Variants in UGT1A8 observed in about 807,000 individuals in gnomAD.
UGT1A8 encodes UDP-glucuronosyltransferase 1A8.
Under a neutral mutation model 45.3 loss-of-function variants are expected in UGT1A8, and 39 were observed. The ratio of observed to expected loss-of-function variants is 0.86; its 90% CI spans 0.67 to 1.12. The LOEUF (loss-of-function observed/expected upper bound fraction) is 1.12, where lower values mean the gene tolerates loss of function less well. Among genes scored for constraint, UGT1A8 ranks in the 50% most tolerant of loss-of-function variants. UGT1A8 has a pLI of 0.00. For synonymous variants in UGT1A8, 275 were observed against 249.2 expected (o/e 1.10, Z -0.97); for missense variants, 719 against 664.9 (o/e 1.08, Z -0.90).
At chr2:233,767,444 TAAA>T (rs1699395657) in intron 2 of UGT1A8, among the ~76,000 whole-genome samples, 1 of 152,186 alleles carries the variant, frequency 6.6e-6, no homozygotes, top group Non-Finnish European at 1.5e-5. Flanking sequence ...TATTTAAAAA[TAAA>T]ATAAATGGGA....
At chr2:233,685,553 A>G (rs1031439132) in intron 1 of UGT1A8, among the ~76,000 whole-genome samples, 1 of 152,206 alleles carries the variant, frequency 6.6e-6, no homozygotes, top group Non-Finnish European at 1.5e-5. Flanking sequence ...TTTTTGATCC[A>G]AATTCAAATT....
intron 4 of UGT1A8, 143 bp downstream of exon 4, chr2:233,768,582 CTTTTT>C: frequency 1.9e-3 from 1,917 of 1,027,810 alleles, no homozygotes; most frequent in East Asian, 5.4e-3. Flanking sequence ...TTTATTTCTT[CTTTTT>C]TTTTTTTTTT....
intron 1 of UGT1A8, among the ~76,000 whole-genome samples, chr2:233,685,930 G>A (rs952791363): frequency 1.3e-5 from 2 of 152,056 alleles, no homozygotes; most frequent in Non-Finnish European, 2.9e-5. Flanking sequence ...TATCCTGATT[G>A]TCTCAAAAAA....
intron 1 of UGT1A8, among the ~76,000 whole-genome samples, chr2:233,694,288 C>G (rs2075211231): frequency 6.6e-6 from 1 of 151,680 alleles, no homozygotes; most frequent in Non-Finnish European, 1.5e-5. Flanking sequence ...CCAATCTGCC[C>G]AAAGGCCTGT....
At chr2:233,680,906 T>C (rs1045002964) in intron 1 of UGT1A8, among the ~76,000 whole-genome samples, 3 of 151,948 alleles carry the variant, frequency 2.0e-5, no homozygotes, top group Non-Finnish European at 4.4e-5. Context: ...CTGCAGACAA[T>C]GTATCTGAGG....
intron 1 of UGT1A8, among the ~76,000 whole-genome samples, chr2:233,661,576 G>A (rs1267253836): frequency 6.6e-6 from 1 of 151,660 alleles, no homozygotes; most frequent in Non-Finnish European, 1.5e-5. Flanking sequence ...TGGAAAAAGT[G>A]CAAGGTTTGA....
In UGT1A8 at chr2:233,769,722, G is replaced by C. The variant is rs906143757; in HGVS notation, c.1295+1283G>C. The C allele has an allele frequency of 4.0e-5, 60 of 1,484,822 alleles. No homozygotes were observed. The highest frequency in any genetic ancestry group is 4.9e-5 in the Non-Finnish European group (55 of 1,116,098). 92.0% of individuals were successfully genotyped at this position (1,484,822 alleles called of 1,614,324 possible). On this transcript the variant is annotated intron_variant, in intron 4 of 4. Coordinates refer to ENST00000373450, the MANE Select transcript of UGT1A8 (RefSeq NM_019076.5). The surrounding 1 kb of genome is among the most constrained non-coding windows in gnomAD (Gnocchi z 4.4). ...AGATCAATGTTGGCTAGGCACCATGGCACACGCCTGTAGTCCCAGCCACTC... is the reference window on the plus strand; with the variant it reads ...AGATCAATGTTGGCTAGGCACCATGCCACACGCCTGTAGTCCCAGCCACTC...
intron 1 of UGT1A8, among the ~76,000 whole-genome samples, chr2:233,634,381 G>A (rs1033446095): frequency 5.9e-5 from 9 of 152,086 alleles, no homozygotes; most frequent in Admixed American, 2.0e-4. Context: ...TTTCTGTCTC[G>A]TTGATCTGTC....
At chr2:233,685,329 G>A (rs1252071840) in intron 1 of UGT1A8, among the ~76,000 whole-genome samples, 3 of 152,178 alleles carry the variant, frequency 2.0e-5, no homozygotes, top group East Asian at 3.9e-4. Flanking sequence ...CACCACACCC[G>A]GACTTAAAGT....
rs141814082 is a variant in UGT1A8, at chr2:233,729,618, C to T, written c.856-37416C>T. ...TCTGCGCGGCAGTGCTGGCTAAGTACCTGTCGATTCCTACTGTGTTTTTTT... is the reference window on the plus strand; with the variant it reads ...TCTGCGCGGCAGTGCTGGCTAAGTATCTGTCGATTCCTACTGTGTTTTTTT... On this transcript the variant is annotated intron_variant, in intron 1 of 4. Transcript: ENST00000373450. The T allele has an allele frequency of 3.1e-6, 5 of 1,613,838 alleles. No homozygotes were observed. The South Asian group carries it at 4.4e-5, about 14-fold the overall frequency.
chr2:233,699,613 A>G (rs902468508), intron 1 of UGT1A8, among the ~76,000 whole-genome samples: 5 of 152,232 alleles, frequency 3.3e-5, no homozygotes, highest in African/African-American at 1.2e-4. Flanking sequence ...ATAGAAAGGA[A>G]TAGAATGCAA....
chr2:233,728,225 C>T (rs2077691607), intron 1 of UGT1A8, among the ~76,000 whole-genome samples: 1 of 152,206 alleles, frequency 6.6e-6, no homozygotes, highest in Non-Finnish European at 1.5e-5. Flanking sequence ...TGACCATAAT[C>T]TTCAGGATGA....
rs949471199 is a variant in UGT1A8, at chr2:233,747,414, C to T, written c.856-19620C>T. Reference sequence around the variant, plus strand: ...GGTCCTCACCCCAGAGGTGAATATGCACATCAAACAAGAGAAATTTTTCAC... The same window carrying T: ...GGTCCTCACCCCAGAGGTGAATATGTACATCAAACAAGAGAAATTTTTCAC... On this transcript the variant is annotated intron_variant, in intron 1 of 4. Transcript: ENST00000373450. 5.6e-6 allele frequency: 9 copies of T among 1,606,904 alleles called. No individual in the cohort carries two copies. In the Admixed American group the frequency reaches 6.7e-5, roughly 12 times the overall value.
At chr2:233,672,317 T>C (rs1348255979) in intron 1 of UGT1A8, 1 of 1,614,102 alleles carries the variant, frequency 6.2e-7, no homozygotes, top group East Asian at 2.2e-5. Context: ...AGGAGTTTGT[T>C]TAAAGACAAA....
At chr2:233,680,914 A>T (rs12474215) in intron 1 of UGT1A8, among the ~76,000 whole-genome samples, 27,636 of 151,946 alleles carry the variant, frequency 0.18, 2,733 homozygotes, top group Non-Finnish European at 0.23. Context: ...AATGTATCTG[A>T]GGAAAGCCAT....
At chr2:233,729,744 A>T (rs2077917790) in intron 1 of UGT1A8, 3 of 1,613,828 alleles carry the variant, frequency 1.9e-6, no homozygotes, top group African/African-American at 1.3e-5. Context: ...ACCACATGAC[A>T]TTCATGCAAA....
chr2:233,740,171 G>A (rs920285091), intron 1 of UGT1A8, among the ~76,000 whole-genome samples: 9 of 151,848 alleles, frequency 5.9e-5, no homozygotes, highest in African/African-American at 2.2e-4. Flanking sequence ...ATGTGGAACT[G>A]TGAGTCAATT....
intron 1 of UGT1A8, among the ~76,000 whole-genome samples, chr2:233,698,018 A>G (rs576535829): frequency 6.6e-6 from 1 of 152,290 alleles, no homozygotes; most frequent in South Asian, 2.1e-4. Flanking sequence ...GCACATTGGT[A>G]CCAATTATCT....
intron 1 of UGT1A8, among the ~76,000 whole-genome samples, chr2:233,751,605 T>G (rs1030087764): frequency 2.0e-5 from 3 of 152,194 alleles, no homozygotes; most frequent in African/African-American, 7.2e-5. Flanking sequence ...TGGGACCTGG[T>G]GGGAGGTGAT....
Sources: gnomAD v4.1 joint callset for allele counts (sites outside exome capture counted in the v4.1 genomes callset) on GRCh38, gnomAD v4.1.1 for gene constraint, Gnocchi (gnomAD v3.1) non-coding constraint, MANE v1.5 for transcripts, NCBI Gene and HGNC (gene_info 2026-07-23, HGNC 2026-07-21) for gene names.